The following RABGAP1 variants were observed in gnomAD, a reference collection of about 807,000 sequenced individuals.
The protein encoded by RABGAP1 is RAB GTPase activating protein 1, also known as rab GTPase-activating protein 1.
A neutral mutation model predicts 137.6 loss-of-function variants in RABGAP1; 23 were observed. The observed-to-expected ratio is 0.17, with a 90% CI of 0.12 to 0.24. The LOEUF (loss-of-function observed/expected upper bound fraction) is 0.24. Among genes scored for constraint, RABGAP1 ranks in the 10% least tolerant of loss-of-function variants. RABGAP1 has a pLI of 1.00. For synonymous variants in RABGAP1, 451 were observed against 450.7 expected (o/e 1.00, Z -0.01); for missense variants, 906 against 1,275.8 (o/e 0.71, Z 4.42).
intron 1 of RABGAP1, among the ~76,000 whole-genome samples, 189 bp downstream of exon 1, chr9:122,941,282 C>A (rs914069503): frequency 6.6e-6 from 1 of 152,156 alleles, no homozygotes; most frequent in Non-Finnish European, 1.5e-5. Flanking sequence ...GGGGGAACTG[C>A]GACGGAGGGG....
intron 2 of RABGAP1, among the ~76,000 whole-genome samples, chr9:122,975,205 G>A (rs987487848): frequency 1.3e-5 from 2 of 152,172 alleles, no homozygotes; most frequent in African/African-American, 2.4e-5. Context: ...CAAGCACAAA[G>A]TGTCCCTTCC....
At chr9:122,950,267 A>G (rs1406939688) in intron 1 of RABGAP1, among the ~76,000 whole-genome samples, 1 of 151,746 alleles carries the variant, frequency 6.6e-6, no homozygotes, top group Non-Finnish European at 1.5e-5. Context: ...GAAGGAATAT[A>G]TTTGGGATAT....
chr9:123,051,666 A>C (rs2033478621), intron 13 of RABGAP1, among the ~76,000 whole-genome samples: 1 of 152,170 alleles, frequency 6.6e-6, no homozygotes, highest in African/African-American at 2.4e-5. Context: ...AGCATGTTCA[A>C]ATGAGTAAAA....
At chr9:122,948,881 G>A (rs1834075018) in intron 1 of RABGAP1, among the ~76,000 whole-genome samples, 1 of 152,172 alleles carries the variant, frequency 6.6e-6, no homozygotes, top group Non-Finnish European at 1.5e-5. Flanking sequence ...AAACAGCCAT[G>A]AAGTATATTC....
intron 21 of RABGAP1, among the ~76,000 whole-genome samples, chr9:123,096,272 C>T (rs1473915271): frequency 4.6e-5 from 7 of 152,120 alleles, no homozygotes; most frequent in Admixed American, 4.6e-4. Context: ...AAGGGTATTA[C>T]CAAGGACAAA....
At chr9:122,973,260 C>CG (rs1386588379) in intron 2 of RABGAP1, among the ~76,000 whole-genome samples, 1 of 151,946 alleles carries the variant, frequency 6.6e-6, no homozygotes, top group Non-Finnish European at 1.5e-5. Context: ...GCTTTTGAGA[C>CG]GGAGTCTCGC....
chr9:123,043,264 C>G (rs1390036134), intron 13 of RABGAP1, among the ~76,000 whole-genome samples: 1 of 152,070 alleles, frequency 6.6e-6, no homozygotes, highest in African/African-American at 2.4e-5. Flanking sequence ...GAAAACAATT[C>G]CCACAGGAAG....
At chr9:122,991,329 A>T (rs1836710936) in intron 6 of RABGAP1, among the ~76,000 whole-genome samples, 1 of 152,184 alleles carries the variant, frequency 6.6e-6, no homozygotes, top group African/African-American at 2.4e-5. Flanking sequence ...TTGCATGTAG[A>T]AGTCTGTTTC....
intron 1 of RABGAP1, among the ~76,000 whole-genome samples, chr9:122,943,921 C>G (rs1225964066): frequency 6.6e-6 from 1 of 152,126 alleles, no homozygotes; most frequent in Non-Finnish European, 1.5e-5. Context: ...CCACTGCACT[C>G]CAGCCTGGGC....
chr9:123,096,860 G>T (rs547670647), intron 21 of RABGAP1, among the ~76,000 whole-genome samples: 1 of 152,154 alleles, frequency 6.6e-6, no homozygotes, highest in African/African-American at 2.4e-5. Flanking sequence ...GTGAGCCACC[G>T]CACCTGGCCC....
At chr9:122,970,394 T>C (rs1365390112) in intron 2 of RABGAP1, among the ~76,000 whole-genome samples, 1 of 152,196 alleles carries the variant, frequency 6.6e-6, no homozygotes, top group Non-Finnish European at 1.5e-5. Context: ...TAAGCATGCC[T>C]GTGAATAGCC....
intron 14 of RABGAP1, among the ~76,000 whole-genome samples, chr9:123,066,111 C>G (rs925490155): frequency 6.6e-5 from 10 of 152,128 alleles, no homozygotes; most frequent in Non-Finnish European, 1.3e-4. Context: ...TTTAGCATCT[C>G]CTATGTAGTA....
In RABGAP1 at chr9:123,010,481, C is replaced by G. The variant is rs762215432; in HGVS notation, c.1502C>G (p.Ser501Trp). The G allele has an allele frequency of 9.9e-6, 16 of 1,613,860 alleles. No individual in the cohort carries two copies. Among genetic ancestry groups the G allele is most frequent in the Non-Finnish European group, 1.3e-5 (15 of 1,179,842 alleles). Residue 501 changes from serine (S) to tryptophan (W), a missense_variant, in exon 11 of 26, where the codon TCG becomes TGG. Physicochemically the swap from Ser to Trp is radical, Grantham distance 177 (BLOSUM62 -3). This residue lies in a region of RABGAP1 where 212 missense variants were observed against 289.4 expected (regional missense o/e 0.73). Coordinates refer to ENST00000373647, the MANE Select transcript of RABGAP1 (RefSeq NM_012197.4). ...SPSVRLPQSG[S>W]QSSVIPSPPE... ...TCAGTTCGCCTGCCACAGTCTGGAT[C>G]GCAAAGTTCAGTGATACCTTCTCCT...
At chr9:122,999,323 A>AG (rs35900764) in intron 10 of RABGAP1, among the ~76,000 whole-genome samples, 1 of 151,892 alleles carries the variant, frequency 6.6e-6, no homozygotes, top group Non-Finnish European at 1.5e-5. Context: ...AGCTGGGACT[A>AG]AAGTGTATGC....
At chr9:123,101,530 CTT>C in intron 24 of RABGAP1, 34 bp from the exon 25 acceptor site, 1 of 1,592,408 alleles carries the variant, frequency 6.3e-7, no homozygotes, top group Non-Finnish European at 8.6e-7. Flanking sequence ...GCCAGTTCCT[CTT>C]CTTTGCCTCT....
chr9:123,065,242 T>A (rs896578947), intron 13 of RABGAP1, 106 bp from the exon 14 acceptor site: 14 of 776,794 alleles, frequency 1.8e-5, no homozygotes, highest in Non-Finnish European at 2.8e-5. Flanking sequence ...TGTATGTATG[T>A]CCCTGCAACA....
intron 13 of RABGAP1, 67 bp from the exon 14 acceptor site, chr9:123,065,281 C>G: frequency 8.6e-7 from 1 of 1,166,742 alleles, no homozygotes; most frequent in Non-Finnish European, 1.3e-6. Context: ...GAAGACCTTG[C>G]CTAAACCTGA....
chr9:123,074,156 A>C (rs2034443591), intron 16 of RABGAP1, 129 bp from the exon 17 acceptor site: 3 of 1,103,092 alleles, frequency 2.7e-6, no homozygotes, highest in Non-Finnish European at 2.6e-6. Flanking sequence ...TGTTCTAAGC[A>C]CTTTGGAGAT....
chr9:123,103,065 C>G, intron 25 of RABGAP1, 26 bp from the exon 26 acceptor site: 1 of 1,609,128 alleles, frequency 6.2e-7, no homozygotes, highest in East Asian at 2.2e-5. Flanking sequence ...AGCCCAGCAT[C>G]CTCATGCACA....
Sources: allele counts gnomAD v4.1 joint callset (sites outside exome capture counted in the v4.1 genomes callset), GRCh38; gene constraint gnomAD v4.1.1; regional missense constraint gnomAD v4.1.1; transcripts MANE v1.5; gene names NCBI Gene and HGNC (gene_info 2026-07-23, HGNC 2026-07-21).